Variants in TRPM3 observed in about 807,000 individuals in gnomAD.
The protein encoded by TRPM3 is transient receptor potential cation channel subfamily M member 3, also known as long transient receptor potential channel 3.
A neutral mutation model predicts 181.2 loss-of-function variants in TRPM3; 77 were observed. That is an observed-to-expected ratio of 0.42 (90% CI 0.35 to 0.51). The LOEUF (loss-of-function observed/expected upper bound fraction) is 0.51, where lower values mean the gene tolerates loss of function less well. Ranked by LOEUF, TRPM3 falls within the 20% of genes least tolerant of loss-of-function variation. The probability of loss-of-function intolerance (pLI) is 0.01; values close to 1 mark genes in which losing one functional copy is unlikely to be tolerated. For missense variants in TRPM3, 1,759 were observed against 2,196.7 expected (o/e 0.80, Z 3.98); for synonymous variants, 745 against 796.4 (o/e 0.94, Z 1.09).
chr9:70,739,864 C>T (rs769406826), intron 8 of TRPM3, among the ~76,000 whole-genome samples: 4 of 152,056 alleles, frequency 2.6e-5, no homozygotes, highest in Non-Finnish European at 4.4e-5. Context: ...GTGATCTGCC[C>T]GTCTTGGCCT....
chr9:70,542,656 C>T (rs960673339), intron 25 of TRPM3, among the ~76,000 whole-genome samples: 2 of 152,200 alleles, frequency 1.3e-5, no homozygotes, highest in Non-Finnish European at 2.9e-5. Context: ...GGAACTTTAT[C>T]TGCTTTTCTG....
intron 1 of TRPM3, among the ~76,000 whole-genome samples, chr9:71,219,745 C>A (rs1413688211): frequency 1.3e-5 from 2 of 152,144 alleles, no homozygotes; most frequent in African/African-American, 4.8e-5. Flanking sequence ...TCAGGGTGAA[C>A]CTGGGCAAAT....
intron 6 of TRPM3, among the ~76,000 whole-genome samples, chr9:70,799,496 G>C (rs1166956145): frequency 6.6e-6 from 1 of 152,220 alleles, no homozygotes; most frequent in African/African-American, 2.4e-5. Flanking sequence ...AAATATGGGT[G>C]ACAACACTGT....
At chr9:70,782,018 A>G (rs2082570432) in intron 7 of TRPM3, among the ~76,000 whole-genome samples, 1 of 152,096 alleles carries the variant, frequency 6.6e-6, no homozygotes, top group South Asian at 2.1e-4. Flanking sequence ...AAAAAAACCC[A>G]GAAAAACAAA....
intron 1 of TRPM3, among the ~76,000 whole-genome samples, chr9:71,377,897 A>G (rs1429018006): frequency 6.6e-6 from 1 of 152,060 alleles, no homozygotes; most frequent in Non-Finnish European, 1.5e-5. Context: ...TATGGTTTTT[A>G]TGTGGTTATA....
chr9:70,536,225 T>C lies in TRPM3; in HGVS notation c.4888A>G (p.Asn1630Asp). 6.2e-7 allele frequency: 1 copy of C among 1,614,230 alleles called. No homozygotes were observed. The highest frequency in any genetic ancestry group is 8.5e-7 in the Non-Finnish European group (1 of 1,180,042). ...TTGTTGGACAGGGTTCTCTCTGAGT[T>C]ATCACCCTCCTGGGAGGATATTGCA... ...TIAISSQEGDNSERTLSNNIT... is the reference protein window; with the variant it reads ...TIAISSQEGDDSERTLSNNIT... Residue 1630 changes from asparagine to aspartate, a missense_variant, in exon 26 of 26, where the codon AAC (asparagine) becomes GAC (aspartate). Physicochemically the swap from Asn to Asp is conservative, Grantham distance 23. Coordinates refer to ENST00000677713, the MANE Select transcript of TRPM3 (RefSeq NM_001366145.2).
intron 1 of TRPM3, among the ~76,000 whole-genome samples, chr9:71,107,680 A>G (rs985541827): frequency 4.6e-5 from 7 of 152,218 alleles, no homozygotes; most frequent in Non-Finnish European, 7.3e-5. Context: ...ATTGCTATAC[A>G]CTTAAAAACA....
intron 1 of TRPM3, among the ~76,000 whole-genome samples, chr9:70,934,563 C>T (rs1359072087): frequency 2.6e-5 from 4 of 152,102 alleles, no homozygotes; most frequent in Non-Finnish European, 4.4e-5. Context: ...AGTTCTTAGC[C>T]TCGGTTTCCT....
At chr9:71,313,181 G>A (rs1046466065) in intron 1 of TRPM3, among the ~76,000 whole-genome samples, 4 of 152,118 alleles carry the variant, frequency 2.6e-5, no homozygotes, top group Non-Finnish European at 4.4e-5. Context: ...TGGAAATTCT[G>A]TATGTTCTGT....
chr9:70,772,552 A>T (rs1211014754), intron 7 of TRPM3, among the ~76,000 whole-genome samples: 4 of 151,994 alleles, frequency 2.6e-5, no homozygotes, highest in African/African-American at 9.7e-5. Flanking sequence ...CGAACTCCTG[A>T]GCTCAAGGGA....
intron 6 of TRPM3, among the ~76,000 whole-genome samples, chr9:70,796,429 T>C (rs928171346): frequency 6.6e-6 from 1 of 152,224 alleles, no homozygotes; most frequent in Non-Finnish European, 1.5e-5. Flanking sequence ...CAATTACTTC[T>C]ACCTGTCCCA....
At chr9:71,051,597 C>T (rs558596020) in intron 1 of TRPM3, among the ~76,000 whole-genome samples, 12 of 151,860 alleles carry the variant, frequency 7.9e-5, no homozygotes, top group East Asian at 4.0e-4. Context: ...AAAATGGCGG[C>T]GGGGTGGGGG....
chr9:70,539,290 G>A (rs1167641584), intron 25 of TRPM3, among the ~76,000 whole-genome samples: 2 of 151,848 alleles, frequency 1.3e-5, no homozygotes, highest in African/African-American at 4.8e-5. Flanking sequence ...TGGATCTCTG[G>A]GAGACCTATA....
intron 1 of TRPM3, among the ~76,000 whole-genome samples, chr9:71,145,670 G>T (rs1295175993): frequency 2.0e-5 from 3 of 151,966 alleles, no homozygotes; most frequent in Non-Finnish European, 2.9e-5. Context: ...ACTACTTACT[G>T]TTAGTATACT....
chr9:71,088,587 T>C (rs961620140), intron 1 of TRPM3, among the ~76,000 whole-genome samples: 4 of 152,092 alleles, frequency 2.6e-5, no homozygotes, highest in Admixed American at 6.6e-5. Flanking sequence ...CATTACTTAA[T>C]TGTAGAAAGT....
intron 1 of TRPM3, among the ~76,000 whole-genome samples, chr9:71,303,044 C>T (rs1317192327): frequency 6.6e-6 from 1 of 152,116 alleles, no homozygotes; most frequent in Non-Finnish European, 1.5e-5. Flanking sequence ...CACCAATGCT[C>T]AGAGACTAGG....
chr9:70,981,934 T>C (rs996621646), intron 1 of TRPM3, among the ~76,000 whole-genome samples: 2 of 152,216 alleles, frequency 1.3e-5, no homozygotes, highest in Admixed American at 6.5e-5. Flanking sequence ...AGGAGGTTTA[T>C]AAAATGTTCT....
At chr9:70,969,881 A>G (rs1196040132) in intron 1 of TRPM3, among the ~76,000 whole-genome samples, 2 of 151,598 alleles carry the variant, frequency 1.3e-5, no homozygotes, top group African/African-American at 2.4e-5. Flanking sequence ...TACCACTACT[A>G]TCATTACTAT....
chr9:70,641,299 C>T (rs1350159550), intron 9 of TRPM3, among the ~76,000 whole-genome samples: 1 of 152,190 alleles, frequency 6.6e-6, no homozygotes, highest in Non-Finnish European at 1.5e-5. Flanking sequence ...ATGACTTGTG[C>T]ACACACTCAA....
Sources: gnomAD v4.1 joint callset for allele counts (sites outside exome capture counted in the v4.1 genomes callset) on GRCh38, gnomAD v4.1.1 for gene constraint, MANE v1.5 for transcripts, NCBI Gene and HGNC (gene_info 2026-07-23, HGNC 2026-07-21) for gene names.